FUT8: variants seen among roughly 807,000 people sequenced by gnomAD.
FUT8 encodes the protein fucosyltransferase 8.
In FUT8, 29 loss-of-function variants were observed where a neutral mutation model predicts 71.3. The observed-to-expected ratio is 0.41, with a 90% CI of 0.30 to 0.55. The LOEUF is 0.55. Among genes scored for constraint, FUT8 ranks in the 20% least tolerant of loss-of-function variants. The probability of loss-of-function intolerance (pLI) is 0.34; values close to 1 mark genes in which losing one functional copy is unlikely to be tolerated. For missense variants in FUT8, 544 were observed against 702.1 expected, an observed-to-expected ratio of 0.77 and a Z score of 2.55; for synonymous variants, 254 against 239.3, an observed-to-expected ratio of 1.06 and a Z score of -0.57.
chr14:65,593,504 G>A (rs918905310), intron 3 of FUT8, among the ~76,000 whole-genome samples: 2 of 151,940 alleles, frequency 1.3e-5, no homozygotes, highest in Non-Finnish European at 2.9e-5. Context: ...AAGGGAATGT[G>A]ATATTAATAC....
chr14:65,563,052 A>G (rs1297934362), intron 3 of FUT8, among the ~76,000 whole-genome samples: 1 of 152,010 alleles, frequency 6.6e-6, no homozygotes, highest in East Asian at 1.9e-4. Flanking sequence ...ACGTGTTAAG[A>G]CAAAAATGAA....
intron 6 of FUT8, among the ~76,000 whole-genome samples, chr14:65,653,581 A>G (rs1385371712): frequency 1.3e-5 from 2 of 152,194 alleles, no homozygotes; most frequent in Non-Finnish European, 2.9e-5. Flanking sequence ...TTTGCTGAAA[A>G]CTGAAAACAA....
rs5809276 is a variant in FUT8 at position 65,480,299 on chromosome 14, A to ATT, written c.-228+24606_-228+24607dup. On this transcript the variant is annotated intron_variant, in intron 2 of 10. Coordinates refer to ENST00000673929, the MANE Select transcript of FUT8 (RefSeq NM_001371533.1). Reference sequence around the variant, plus strand: ...TTGCAAACTGCAGAAATGAACTGTGATTTTTTTTTTTTTTTTTTTTTTTTT... The same window carrying ATT: ...TTGCAAACTGCAGAAATGAACTGTGATTTTTTTTTTTTTTTTTTTTTTTTTTT... 3.5e-3 allele frequency among the ~76,000 whole-genome samples: 339 copies of ATT among 96,944 alleles called. 8 individuals are homozygous for ATT. The highest frequency in any genetic ancestry group is 9.7e-3 in the East Asian group (29 of 2,986). 63.6% of individuals were successfully genotyped at this position (96,944 alleles called of 152,430 possible).
At chr14:65,634,153 C>G (rs1318177544) in intron 6 of FUT8, among the ~76,000 whole-genome samples, 1 of 151,924 alleles carries the variant, frequency 6.6e-6, no homozygotes, top group African/African-American at 2.4e-5. Context: ...ATTGAGAAAT[C>G]GGATGGTTGC....
intron 3 of FUT8, among the ~76,000 whole-genome samples, chr14:65,595,802 G>A (rs1315591690): frequency 4.0e-5 from 6 of 151,672 alleles, no homozygotes; most frequent in African/African-American, 1.5e-4. Context: ...GTAGAGACGG[G>A]GTTTCACCGT....
the FUT8 span, among the ~76,000 whole-genome samples, chr14:65,363,240 GCC>G: frequency 1.9e-5 from 1 of 51,308 alleles, no homozygotes; most frequent in Non-Finnish European, 8.9e-5. Flanking sequence ...TCATGCCTCA[GCC>G]TCCTGAGTAG....
At chr14:65,427,424 T>G (rs900236945) in intron 1 of FUT8, among the ~76,000 whole-genome samples, 19 of 152,218 alleles carry the variant, frequency 1.2e-4, no homozygotes, top group Non-Finnish European at 2.6e-4. Context: ...GTGTACAAGA[T>G]TCCCTTTTCT....
Position 65,472,871 on chromosome 14 carries a change from A to G in FUT8, c.-228+17153A>G, listed in dbSNP as rs1383016276. ...TTAGTGCTCAAATATCTTAGTAGAAATTGAAGTAGAAAAAGACATTGTTGT... is the reference window on the plus strand; with the variant it reads ...TTAGTGCTCAAATATCTTAGTAGAAGTTGAAGTAGAAAAAGACATTGTTGT... On this transcript the variant is annotated intron_variant, in intron 2 of 10. Transcript: ENST00000673929. The surrounding 1 kb of genome is among the most constrained non-coding windows in gnomAD (Gnocchi z 4.4). Among the ~76,000 whole-genome samples the G allele has an allele frequency of 6.6e-6, 1 of 152,208 alleles. No individual in the cohort carries two copies. Among genetic ancestry groups the G allele is most frequent in the East Asian group, 1.9e-4 (1 of 5,206 alleles).
chr14:65,550,808 C>T lies in FUT8; in HGVS notation c.-227-10529C>T, dbSNP rs1021793114. Among the ~76,000 whole-genome samples, 2 of 152,140 alleles carry T rather than the reference C, an allele frequency of 1.3e-5. No homozygotes were observed. The highest frequency in any genetic ancestry group is 4.8e-5 in the African/African-American group (2 of 41,428). On this transcript the variant is annotated intron_variant, in intron 2 of 10. Coordinates refer to ENST00000673929, the MANE Select transcript of FUT8 (RefSeq NM_001371533.1). The surrounding 1 kb of genome is among the most constrained non-coding windows in gnomAD (Gnocchi z 4.5). ...TGGGTTACATTTTCCTTCTTGTTGGCATCATAGTATAAAATACATATTTTT... is the reference window on the plus strand; with the variant it reads ...TGGGTTACATTTTCCTTCTTGTTGGTATCATAGTATAAAATACATATTTTT...
intron 3 of FUT8, among the ~76,000 whole-genome samples, chr14:65,589,483 G>T (rs540241202): frequency 1.6e-5 from 2 of 123,804 alleles, no homozygotes; most frequent in Non-Finnish European, 3.2e-5. Context: ...TCGCTCTGTC[G>T]CCCAGGCTGG....
chr14:65,500,799 A>C (rs1033185195), intron 2 of FUT8, among the ~76,000 whole-genome samples: 4 of 152,208 alleles, frequency 2.6e-5, no homozygotes, highest in African/African-American at 9.6e-5. Context: ...TAGATCTAAA[A>C]ATCTGTGGTT....
chr14:65,632,999 T>TCCCC (rs1407705169), intron 6 of FUT8, among the ~76,000 whole-genome samples: 12 of 100,764 alleles, frequency 1.2e-4, no homozygotes, highest in African/African-American at 5.9e-4. Flanking sequence ...CTCTCCCCTC[T>TCCCC]CCCCTCCCCC....
intron 3 of FUT8, among the ~76,000 whole-genome samples, chr14:65,588,637 T>C (rs1887518245): frequency 6.6e-6 from 1 of 152,146 alleles, no homozygotes. Flanking sequence ...ATCATATTAC[T>C]GTGGTCCCCT....
intron 10 of FUT8, among the ~76,000 whole-genome samples, chr14:65,735,787 A>G (rs1367841561): frequency 6.6e-6 from 1 of 152,174 alleles, no homozygotes; most frequent in Non-Finnish European, 1.5e-5. Flanking sequence ...CTTTGAGCTT[A>G]CTTGCACCTC....
At chr14:65,711,436 A>G (rs1177801111) in intron 7 of FUT8, among the ~76,000 whole-genome samples, 2 of 152,182 alleles carry the variant, frequency 1.3e-5, no homozygotes, top group Non-Finnish European at 2.9e-5. Context: ...TTTTACTTAC[A>G]GGAAGCTGAA....
At chr14:65,591,185 A>G (rs1310325097) in intron 3 of FUT8, among the ~76,000 whole-genome samples, 5 of 152,172 alleles carry the variant, frequency 3.3e-5, no homozygotes, top group African/African-American at 1.2e-4. Flanking sequence ...ATGTGAAGTT[A>G]GTTTAAAATT....
intron 1 of FUT8, among the ~76,000 whole-genome samples, chr14:65,426,328 G>GTT (rs1334950112): frequency 3.7e-4 from 49 of 133,938 alleles, no homozygotes; most frequent in East Asian, 2.2e-3. Context: ...CCTTTTTAAA[G>GTT]TTTTTTTTTT....
chr14:65,469,755 G>T (rs7150782), intron 2 of FUT8, among the ~76,000 whole-genome samples: 1 of 152,052 alleles, frequency 6.6e-6, no homozygotes, highest in Non-Finnish European at 1.5e-5. Flanking sequence ...CAGCAGAGAC[G>T]ATAGCTCCTC....
intron 6 of FUT8, among the ~76,000 whole-genome samples, chr14:65,657,252 G>A (rs1032261155): frequency 6.6e-6 from 1 of 152,140 alleles, no homozygotes; most frequent in African/African-American, 2.4e-5. Flanking sequence ...CAACCACTAT[G>A]AAGAACAGTT....
Sources: allele counts gnomAD v4.1 joint callset (sites outside exome capture counted in the v4.1 genomes callset), GRCh38; gene constraint gnomAD v4.1.1; non-coding constraint Gnocchi (gnomAD v3.1); transcripts MANE v1.5; gene names NCBI Gene and HGNC (gene_info 2026-07-23, HGNC 2026-07-21).